The following FHIT variants were observed in gnomAD, a reference collection of about 807,000 sequenced individuals.
FHIT encodes the protein bis(5'-adenosyl)-triphosphatase.
A neutral mutation model predicts 17.9 loss-of-function variants in FHIT; 19 were observed. The ratio of observed to expected loss-of-function variants is 1.06; its 90% CI spans 0.74 to 1.56. The LOEUF (loss-of-function observed/expected upper bound fraction) is 1.56. Ranked by LOEUF, FHIT falls within the 40% of genes most tolerant of loss-of-function variation. The pLI, the probability that FHIT is intolerant of heterozygous loss-of-function variation, is 0.00. For synonymous variants in FHIT, 81 were observed against 69.7 expected (o/e 1.16, Z -0.81); for missense variants, 248 against 189.2 (o/e 1.31, Z -1.82).
chr3:60,121,016 G>C (rs1434028090), intron 5 of FHIT, among the ~76,000 whole-genome samples: 1 of 152,050 alleles, frequency 6.6e-6, no homozygotes, highest in East Asian at 1.9e-4. Flanking sequence ...TTCTCTGCCT[G>C]ACCTCCTGAA....
At chr3:60,778,719 GC>G (rs55912270) in intron 4 of FHIT, among the ~76,000 whole-genome samples, 152,356 of 152,356 alleles carry the variant, frequency 1, 76,178 homozygotes, top group Non-Finnish European at 1. Context: ...TTGCATCAGT[GC>G]CAATAAGAAT....
intron 5 of FHIT, among the ~76,000 whole-genome samples, chr3:60,085,989 A>C (rs998331468): frequency 3.9e-5 from 6 of 152,182 alleles, no homozygotes; most frequent in Non-Finnish European, 7.3e-5. Flanking sequence ...TATAAAGAAA[A>C]GAGGTTTATT....
intron 5 of FHIT, among the ~76,000 whole-genome samples, chr3:60,087,327 G>A (rs943241860): frequency 9.2e-5 from 14 of 152,104 alleles, no homozygotes; most frequent in African/African-American, 3.1e-4. Context: ...TTTTCCCATT[G>A]GCTTGACTAC....
chr3:60,807,186 C>A (rs1701423298), intron 4 of FHIT, among the ~76,000 whole-genome samples: 2 of 152,222 alleles, frequency 1.3e-5, no homozygotes, highest in Admixed American at 1.3e-4. Flanking sequence ...AATTTATAGA[C>A]AAGCTGATTT....
intron 4 of FHIT, among the ~76,000 whole-genome samples, chr3:60,701,026 AT>A (rs1463375187): frequency 6.6e-6 from 1 of 152,158 alleles, no homozygotes; most frequent in East Asian, 1.9e-4. Flanking sequence ...ATTGTAAAAA[AT>A]AGTGGTCTAA....
intron 3 of FHIT, among the ~76,000 whole-genome samples, chr3:60,960,735 A>G (rs1487789136): frequency 6.6e-6 from 1 of 152,168 alleles, no homozygotes; most frequent in Non-Finnish European, 1.5e-5. Flanking sequence ...TTCCAGCTTC[A>G]TCCATGTCCC....
chr3:60,359,386 T>C (rs144867348), intron 5 of FHIT, among the ~76,000 whole-genome samples: 42 of 150,294 alleles, frequency 2.8e-4, no homozygotes, highest in African/African-American at 9.8e-4. Flanking sequence ...GTTCAAGCGA[T>C]TCTCCTGCCT....
At chr3:59,917,928 A>G (rs767360128) in intron 8 of FHIT, among the ~76,000 whole-genome samples, 29 of 152,224 alleles carry the variant, frequency 1.9e-4, no homozygotes, top group Non-Finnish European at 4.0e-4. Context: ...CAACTTCGAC[A>G]TGTGCCTATC....
chr3:60,190,557 T>C (rs1702355015), intron 5 of FHIT, among the ~76,000 whole-genome samples: 1 of 151,782 alleles, frequency 6.6e-6, no homozygotes, highest in Non-Finnish European at 1.5e-5. Context: ...GAGACCAGCC[T>C]GGCCAACATG....
chr3:61,231,065 A>C (rs2040087300), intron 1 of FHIT, among the ~76,000 whole-genome samples: 1 of 152,244 alleles, frequency 6.6e-6, no homozygotes. Flanking sequence ...ATGAGTCGCT[A>C]GTAAATATGA....
chr3:60,128,569 G>A (rs1316645642), intron 5 of FHIT, among the ~76,000 whole-genome samples: 4 of 152,166 alleles, frequency 2.6e-5, no homozygotes, highest in Non-Finnish European at 5.9e-5. Context: ...GAATTCTGGG[G>A]CAAGTACCCA....
intron 4 of FHIT, among the ~76,000 whole-genome samples, chr3:60,653,299 G>T (rs1335452208): frequency 6.6e-6 from 1 of 152,092 alleles, no homozygotes; most frequent in Non-Finnish European, 1.5e-5. Flanking sequence ...GGGTTCTATT[G>T]AAAAGGAATA....
chr3:60,054,081 T>G (rs1162189665), intron 5 of FHIT, among the ~76,000 whole-genome samples: 2 of 152,216 alleles, frequency 1.3e-5, no homozygotes, highest in Non-Finnish European at 2.9e-5. Context: ...ATCAAAAACA[T>G]TTCTAAATAT....
chr3:61,175,760 C>A (rs1351243307), intron 2 of FHIT, among the ~76,000 whole-genome samples: 1 of 152,144 alleles, frequency 6.6e-6, no homozygotes, highest in Admixed American at 6.5e-5. Flanking sequence ...AAAGCACCAT[C>A]TTGGAATTAG....
chr3:59,799,425 A>AGTTTC (rs1699907485), intron 8 of FHIT, among the ~76,000 whole-genome samples: 1 of 151,880 alleles, frequency 6.6e-6, no homozygotes, highest in East Asian at 1.9e-4. Context: ...TGTGATGGGG[A>AGTTTC]AGGCCCTGAA....
chr3:60,472,460 C>A (rs2107451252), intron 5 of FHIT, among the ~76,000 whole-genome samples: 1 of 151,582 alleles, frequency 6.6e-6, no homozygotes, highest in Middle Eastern at 3.4e-3. Flanking sequence ...GCTCCACTTC[C>A]CAGGTTCACG....
intron 3 of FHIT, among the ~76,000 whole-genome samples, chr3:61,021,381 C>T (rs928551024): frequency 9.7e-4 from 146 of 150,006 alleles, no homozygotes; most frequent in Middle Eastern, 3.4e-3. Flanking sequence ...GGGCGGATCA[C>T]GAGGTCAGGA....
chr3:61,058,422 G>A lies in FHIT; in HGVS notation c.-163-16323C>T, dbSNP rs944456523. On this transcript the variant is annotated intron_variant, in intron 2 of 9. Coordinates refer to ENST00000492590, the MANE Select transcript of FHIT (RefSeq NM_002012.4). ...GAGGAAAGATATGAATAGTGCTATG[G>A]TTTGGATTTGTGTCCACGCCTAAAT... 2.0e-5 allele frequency among the ~76,000 whole-genome samples: 3 copies of A among 152,160 alleles called. No homozygotes were observed. In the East Asian group the frequency reaches 5.8e-4, roughly 29 times the overall value.
chr3:60,959,315 C>T (rs1257088574), intron 3 of FHIT, among the ~76,000 whole-genome samples: 1 of 152,170 alleles, frequency 6.6e-6, no homozygotes, highest in Non-Finnish European at 1.5e-5. Context: ...AGAACTTCTG[C>T]CCTTGATGTC....
Sources: gnomAD v4.1 joint callset for allele counts (sites outside exome capture counted in the v4.1 genomes callset) on GRCh38, gnomAD v4.1.1 for gene constraint, MANE v1.5 for transcripts, NCBI Gene and HGNC (gene_info 2026-07-23, HGNC 2026-07-21) for gene names.